The following SDK2 variants were observed in gnomAD, a reference collection of about 807,000 sequenced individuals.
SDK2 encodes protein sidekick-2.
SDK2 carries 105 observed loss-of-function variants against 253.9 expected under a neutral mutation model. The observed-to-expected ratio is 0.41, with a 90% CI of 0.35 to 0.49. The LOEUF (loss-of-function observed/expected upper bound fraction) is 0.49. Ranked by LOEUF, SDK2 falls within the 20% of genes least tolerant of loss-of-function variation. The pLI, the probability that SDK2 is intolerant of heterozygous loss-of-function variation, is 0.06. For synonymous variants in SDK2, 1,249 were observed against 1,234.9 expected (o/e 1.01, Z -0.24); for missense variants, 2,608 against 3,003.0 (o/e 0.87, Z 3.07).
At chr17:73,434,119 G>A (rs1421330187) in intron 9 of SDK2, among the ~76,000 whole-genome samples, 2 of 152,238 alleles carry the variant, frequency 1.3e-5, no homozygotes, top group Non-Finnish European at 2.9e-5. Flanking sequence ...TCTCAGGCCT[G>A]CATTTGGGGG....
intron 1 of SDK2, among the ~76,000 whole-genome samples, chr17:73,623,025 G>A (rs560779399): frequency 6.6e-6 from 1 of 152,326 alleles, no homozygotes; most frequent in Non-Finnish European, 1.5e-5. Flanking sequence ...TCCTGAGCCT[G>A]CATCCCTACA....
intron 44 of SDK2, among the ~76,000 whole-genome samples, chr17:73,343,205 C>G (rs2062454389): frequency 6.6e-6 from 1 of 152,244 alleles, no homozygotes; most frequent in Non-Finnish European, 1.5e-5. Flanking sequence ...ATCCCAGGCA[C>G]TCTATGGGCA....
intron 2 of SDK2, among the ~76,000 whole-genome samples, chr17:73,477,718 C>A (rs1320474900): frequency 6.6e-6 from 1 of 152,186 alleles, no homozygotes; most frequent in African/African-American, 2.4e-5. Context: ...TTCAGCCAAG[C>A]ACTAGGGGAG....
chr17:73,415,428 T>C (rs999276699), intron 17 of SDK2, among the ~76,000 whole-genome samples: 1 of 148,446 alleles, frequency 6.7e-6, no homozygotes, highest in African/African-American at 2.5e-5. Flanking sequence ...TCTCAGCTCA[T>C]TGCAGCCTTA....
chr17:73,367,695 G>A (rs1265371325), intron 37 of SDK2, among the ~76,000 whole-genome samples: 2 of 151,998 alleles, frequency 1.3e-5, no homozygotes, highest in African/African-American at 4.8e-5. Flanking sequence ...GTAGAGACAG[G>A]GTGTCACCAT....
At chr17:73,536,108 C>T (rs956160257) in intron 1 of SDK2, among the ~76,000 whole-genome samples, 1 of 152,186 alleles carries the variant, frequency 6.6e-6, no homozygotes, top group Non-Finnish European at 1.5e-5. Context: ...CACACCTGGG[C>T]TATATCAGCA....
chr17:73,607,192 T>C (rs936407199), intron 1 of SDK2, among the ~76,000 whole-genome samples: 1 of 152,106 alleles, frequency 6.6e-6, no homozygotes, highest in African/African-American at 2.4e-5. Context: ...CTTCACAGGA[T>C]CCTCCAGATC....
Position 73,394,317 on chromosome 17 carries a change from A to G in SDK2, c.3600T>C (p.Ser1200=). 2 of 1,580,118 alleles carry G rather than the reference A, an allele frequency of 1.3e-6. No homozygotes were observed. The highest frequency in any genetic ancestry group is 1.7e-6 in the Non-Finnish European group (2 of 1,159,396). ...GTGCAGACACATTGGTGGGGCCGGAAGAGGGAACTGTGGGGGAAAGGGAGT... is the reference window on the plus strand; with the variant it reads ...GTGCAGACACATTGGTGGGGCCGGAGGAGGGAACTGTGGGGGAAAGGGAGT... ...VVGRTRESVP[S]SGPTNVSALA... The change falls in exon 26 of 45, where the codon TCT becomes TCC. Residue 1200 remains serine, a synonymous_variant. Coordinates refer to ENST00000392650, the MANE Select transcript of SDK2 (RefSeq NM_001144952.2).
chr17:73,417,101 T>A lies in SDK2; in HGVS notation c.2187-1109A>T, dbSNP rs191282003. On this transcript the variant is annotated intron_variant, in intron 16 of 44. Coordinates refer to ENST00000392650, the MANE Select transcript of SDK2 (RefSeq NM_001144952.2). ...TATTAGTATTTAAGTTTTTGGGGAG[T>A]CAAAAATTATATGTGGATTGGGCCG... Among the ~76,000 whole-genome samples the A allele has an allele frequency of 2.2e-4, 34 of 151,394 alleles. No homozygotes were observed. The East Asian group carries it at 5.7e-3, about 25-fold the overall frequency.
intron 1 of SDK2, among the ~76,000 whole-genome samples, chr17:73,596,734 CA>C (rs1479129766): frequency 1.3e-5 from 2 of 152,186 alleles, no homozygotes; most frequent in African/African-American, 2.4e-5. Context: ...CCGACCCTCC[CA>C]GCTCCACTCT....
chr17:73,572,711 T>TGGTCTAAGCATATGATGCTCA (rs1462417344), intron 1 of SDK2, among the ~76,000 whole-genome samples: 3 of 152,148 alleles, frequency 2.0e-5, no homozygotes, highest in Non-Finnish European at 2.9e-5. Context: ...AATGAATGAA[T>TGGTCTAAGCATATGATGCTCA]GGTCTAAGCA....
At chr17:73,599,900 G>T (rs1302259158) in intron 1 of SDK2, among the ~76,000 whole-genome samples, 3 of 152,250 alleles carry the variant, frequency 2.0e-5, no homozygotes, top group African/African-American at 7.2e-5. Context: ...GCCAAGTCCT[G>T]TCTGCCAACA....
chr17:73,487,003 G>A (rs1201464882), intron 2 of SDK2, among the ~76,000 whole-genome samples: 4 of 152,056 alleles, frequency 2.6e-5, no homozygotes, highest in South Asian at 4.2e-4. Context: ...GCGCAATCTC[G>A]GCTCACTGCA....
Position 73,616,228 on chromosome 17 carries a change from TTGTGCTCGGCAGCCCCAGGCATCCC to T in SDK2, c.64+27772_64+27796del, listed in dbSNP as rs1330403036. Among the ~76,000 whole-genome samples, 1 of 152,114 alleles carries T rather than the reference TTGTGCTCGGCAGCCCCAGGCATCCC, an allele frequency of 6.6e-6. No homozygotes were observed. The highest frequency in any genetic ancestry group is 1.5e-5 in the Non-Finnish European group (1 of 68,028). On this transcript the variant is annotated intron_variant, in intron 1 of 44. Transcript: ENST00000392650. This position sits in a 1 kb window ranked among gnomAD's most constrained non-coding sequence, Gnocchi z 5.2. ...AACTGACCTCAGGGCACTGTGAACC[TTGTGCTCGGCAGCCCCAGGCATCCC>T]GGTGCTGCTTGCCTTCCCCACCCTC... is the stretch of plus-strand genomic sequence containing the variant.
At chr17:73,433,890 G>A in intron 9 of SDK2, 42 bp from the exon 10 acceptor site, 1 of 1,384,328 alleles carries the variant, frequency 7.2e-7, no homozygotes, top group Non-Finnish European at 9.7e-7. Flanking sequence ...CACCCTGGGA[G>A]ATGTCCCCCA....
rs1332002547 is a variant in SDK2 at position 73,567,614 on chromosome 17, T to C, written c.65-60017A>G. 2.0e-5 allele frequency among the ~76,000 whole-genome samples: 3 copies of C among 152,264 alleles called. No homozygotes were observed. The East Asian group carries it at 5.8e-4, about 29-fold the overall frequency. ...ACCCGTTAAAAACAGCCAGGGGGGC[T>C]GTGCCTTACAAAGCCAGAGGGGTGG... is the stretch of plus-strand genomic sequence containing the variant. On this transcript the variant is annotated intron_variant, in intron 1 of 44. Coordinates refer to ENST00000392650, the MANE Select transcript of SDK2 (RefSeq NM_001144952.2).
At chr17:73,386,131 C>T (rs2145484806) in intron 31 of SDK2, among the ~76,000 whole-genome samples, 1 of 152,296 alleles carries the variant, frequency 6.6e-6, no homozygotes, top group Admixed American at 6.5e-5. Flanking sequence ...ACCCAAGGGT[C>T]CCAGAGCCCC....
At chr17:73,582,201 C>T (rs2045544483) in intron 1 of SDK2, among the ~76,000 whole-genome samples, 1 of 132,490 alleles carries the variant, frequency 7.5e-6, no homozygotes, top group Non-Finnish European at 1.7e-5. Context: ...ACACACCACG[C>T]AGGCATCAGC....
At chr17:73,446,360 C>A (rs1416430657) in intron 5 of SDK2, among the ~76,000 whole-genome samples, 1 of 152,200 alleles carries the variant, frequency 6.6e-6, no homozygotes, top group East Asian at 1.9e-4. Flanking sequence ...ACACCCTCAA[C>A]CCTGACGGTC....
Sources: gnomAD v4.1 joint callset for allele counts (sites outside exome capture counted in the v4.1 genomes callset) on GRCh38, gnomAD v4.1.1 for gene constraint, Gnocchi (gnomAD v3.1) non-coding constraint, MANE v1.5 for transcripts, NCBI Gene and HGNC (gene_info 2026-07-23, HGNC 2026-07-21) for gene names.